Variants in SUPT3H observed in about 807,000 individuals in gnomAD.
SUPT3H encodes the protein transcription initiation protein SPT3 homolog.
A neutral mutation model predicts 44.3 loss-of-function variants in SUPT3H; 44 were observed. The ratio of observed to expected loss-of-function variants is 0.99; its 90% CI spans 0.78 to 1.28. The LOEUF is 1.28. SUPT3H is among the 50% of genes most tolerant of loss of function. The pLI is 0.00. For synonymous variants in SUPT3H, 124 were observed against 125.6 expected (o/e 0.99, Z 0.09); for missense variants, 380 against 387.1 (o/e 0.98, Z 0.15).
At chr6:45,146,446 G>A (rs1806082467) in intron 2 of SUPT3H, among the ~76,000 whole-genome samples, 1 of 152,044 alleles carries the variant, frequency 6.6e-6, no homozygotes, top group Non-Finnish European at 1.5e-5. Context: ...GATGGAGGCG[G>A]GTAAGGGATA....
intron 2 of SUPT3H, among the ~76,000 whole-genome samples, chr6:45,185,427 A>C (rs1814027424): frequency 6.6e-6 from 1 of 152,196 alleles, no homozygotes; most frequent in South Asian, 2.1e-4. Context: ...AAAACTGATT[A>C]TGCAAAGGAG....
chr6:45,318,703 T>C (rs1785059602), intron 2 of SUPT3H, among the ~76,000 whole-genome samples: 1 of 152,102 alleles, frequency 6.6e-6, no homozygotes, highest in Non-Finnish European at 1.5e-5. Flanking sequence ...TATTGAATAA[T>C]CCATAAATTA....
intron 6 of SUPT3H, among the ~76,000 whole-genome samples, chr6:44,964,542 T>C (rs1776515292): frequency 6.6e-6 from 1 of 152,212 alleles, no homozygotes; most frequent in Non-Finnish European, 1.5e-5. Context: ...GTTGCCAGGA[T>C]TGCCAGCTAC....
At chr6:44,936,769 G>A (rs1382474583) in intron 9 of SUPT3H, among the ~76,000 whole-genome samples, 1 of 152,156 alleles carries the variant, frequency 6.6e-6, no homozygotes, top group Non-Finnish European at 1.5e-5. Flanking sequence ...CCAAGTTCAA[G>A]TGATTCTCAT....
At chr6:45,084,088 G>A (rs1796174499) in intron 3 of SUPT3H, among the ~76,000 whole-genome samples, 1 of 152,118 alleles carries the variant, frequency 6.6e-6, no homozygotes, top group South Asian at 2.1e-4. Flanking sequence ...CCTTGGCAAA[G>A]AATTCATGAC....
intron 2 of SUPT3H, among the ~76,000 whole-genome samples, chr6:45,136,668 G>C (rs1413843777): frequency 6.6e-6 from 1 of 151,604 alleles, no homozygotes; most frequent in African/African-American, 2.4e-5. Context: ...TAATTCACTA[G>C]AGGGGCTCAA....
chr6:45,346,184 T>C (rs1790818670), intron 2 of SUPT3H, among the ~76,000 whole-genome samples: 1 of 152,172 alleles, frequency 6.6e-6, no homozygotes, highest in South Asian at 2.1e-4. Context: ...TCTCTCAGTT[T>C]CTATGTGTGT....
chr6:44,980,147 A>C (rs1562189035), intron 6 of SUPT3H, among the ~76,000 whole-genome samples: 1 of 151,952 alleles, frequency 6.6e-6, no homozygotes, highest in Non-Finnish European at 1.5e-5. Flanking sequence ...ATCTGCTCTG[A>C]CATTTTGTGA....
chr6:45,223,358 T>C (rs186527560), intron 2 of SUPT3H, among the ~76,000 whole-genome samples: 50 of 152,190 alleles, frequency 3.3e-4, no homozygotes, highest in Non-Finnish European at 5.7e-4. Flanking sequence ...CCTTTGAATC[T>C]ACAATTATCT....
chr6:45,367,403 T>C (rs1302484984), intron 1 of SUPT3H, among the ~76,000 whole-genome samples: 1 of 151,992 alleles, frequency 6.6e-6, no homozygotes. Context: ...TTGGAATAAG[T>C]ACTTTTCTCT....
intron 6 of SUPT3H, among the ~76,000 whole-genome samples, chr6:44,969,392 G>GACATATTTCAGTA (rs1205199275): frequency 6.7e-6 from 1 of 148,924 alleles, no homozygotes; most frequent in East Asian, 1.9e-4. Flanking sequence ...ACTTTTCAGT[G>GACATATTTCAGTA]ACACATTTCA....
chr6:45,165,797 G>A (rs779467893), intron 2 of SUPT3H, among the ~76,000 whole-genome samples: 2 of 151,754 alleles, frequency 1.3e-5, no homozygotes, highest in Admixed American at 6.6e-5. Flanking sequence ...GATCTAAACC[G>A]ATAAACAAAG....
At chr6:44,854,101 A>G (rs1773355093) in intron 10 of SUPT3H, among the ~76,000 whole-genome samples, 1 of 152,192 alleles carries the variant, frequency 6.6e-6, no homozygotes, top group South Asian at 2.1e-4. Context: ...TATCACTGCC[A>G]TGACATTCAG....
intron 2 of SUPT3H, among the ~76,000 whole-genome samples, chr6:45,117,318 T>C (rs1800991402): frequency 6.6e-6 from 1 of 152,192 alleles, no homozygotes; most frequent in Middle Eastern, 3.4e-3. Flanking sequence ...CTCCATCTCA[T>C]CCAGCAGAAC....
chr6:45,098,234 C>T (rs1218882637), intron 3 of SUPT3H: 2 of 159,226 alleles, frequency 1.3e-5, no homozygotes, highest in South Asian at 1.7e-4. Context: ...GTGTGCCAAC[C>T]CTGCAGTAAA....
At chr6:44,968,067 A>G (rs756904878) in intron 6 of SUPT3H, among the ~76,000 whole-genome samples, 1 of 152,166 alleles carries the variant, frequency 6.6e-6, no homozygotes, top group Non-Finnish European at 1.5e-5. Context: ...TGCTGGGATT[A>G]CAGGCATGAG....
chr6:45,232,388 T>G (rs975591237), intron 2 of SUPT3H, among the ~76,000 whole-genome samples: 8 of 152,180 alleles, frequency 5.3e-5, no homozygotes, highest in African/African-American at 1.7e-4. Context: ...TATGGTAATG[T>G]TTTGTTGAAG....
chr6:45,016,848 G>A, intron 4 of SUPT3H, among the ~76,000 whole-genome samples: 1 of 151,794 alleles, frequency 6.6e-6, no homozygotes, highest in East Asian at 1.9e-4. Context: ...CACTCCTTTG[G>A]GTATATACCC....
chr6:45,373,928 C>A (rs1350296316), intron 1 of SUPT3H, among the ~76,000 whole-genome samples: 1 of 152,184 alleles, frequency 6.6e-6, no homozygotes, highest in Non-Finnish European at 1.5e-5. Context: ...CATGCTGTTA[C>A]ACAAAATTTA....
Sources: gnomAD v4.1 joint callset for allele counts (sites outside exome capture counted in the v4.1 genomes callset) on GRCh38, gnomAD v4.1.1 for gene constraint, MANE v1.5 for transcripts, NCBI Gene and HGNC (gene_info 2026-07-23, HGNC 2026-07-21) for gene names.